The following CPQ variants were observed in gnomAD, a reference collection of about 807,000 sequenced individuals.
CPQ encodes the protein carboxypeptidase Q.
Under a neutral mutation model 45.7 loss-of-function variants are expected in CPQ, and 37 were observed. That is an observed-to-expected ratio of 0.81 (90% CI 0.62 to 1.07). The LOEUF is 1.07. Among genes scored for constraint, CPQ ranks in the 50% least tolerant of loss-of-function variants. The pLI is 0.00. For missense variants in CPQ, 537 were observed against 572.9 expected (o/e 0.94, Z 0.64); for synonymous variants, 186 against 205.8 (o/e 0.90, Z 0.82).
chr8:96,976,978 C>G (rs1270944955), intron 5 of CPQ, among the ~76,000 whole-genome samples: 5 of 152,004 alleles, frequency 3.3e-5, no homozygotes, highest in Non-Finnish European at 7.4e-5. Flanking sequence ...GCAAATGCAA[C>G]AAAAACAAAG....
At chr8:97,069,158 G>C (rs1214750341) in intron 7 of CPQ, among the ~76,000 whole-genome samples, 3 of 152,174 alleles carry the variant, frequency 2.0e-5, no homozygotes, top group Non-Finnish European at 4.4e-5. Flanking sequence ...AGCTCATTTA[G>C]ATGACTCTAA....
chr8:96,738,317 A>G (rs1810022190), intron 1 of CPQ, among the ~76,000 whole-genome samples: 1 of 151,878 alleles, frequency 6.6e-6, no homozygotes, highest in Admixed American at 6.6e-5. Context: ...AAAATCTTCC[A>G]TTTATGTGGA....
At chr8:96,944,312 A>G (rs1813161754) in intron 4 of CPQ, among the ~76,000 whole-genome samples, 1 of 152,070 alleles carries the variant, frequency 6.6e-6, no homozygotes, top group Non-Finnish European at 1.5e-5. Flanking sequence ...GCCTCCCTCC[A>G]AAGTCCCCTC....
intron 4 of CPQ, among the ~76,000 whole-genome samples, chr8:96,926,641 C>G (rs1812893471): frequency 6.6e-6 from 1 of 150,640 alleles, no homozygotes; most frequent in Non-Finnish European, 1.5e-5. Context: ...TCTCCTTCTT[C>G]TTCTTCTCCT....
chr8:96,785,115 C>G lies in CPQ; in HGVS notation c.218C>G (p.Thr73Ser). 6.2e-7 allele frequency: 1 copy of G among 1,613,734 alleles called. No homozygotes were observed. The highest frequency in any genetic ancestry group is 8.5e-7 in the Non-Finnish European group (1 of 1,179,820). ...GAGCGATTGGCACTTCTGGTTGATACTGTTGGACCCAGACTGAGTGGCTCC... is the reference window on the plus strand; with the variant it reads ...GAGCGATTGGCACTTCTGGTTGATAGTGTTGGACCCAGACTGAGTGGCTCC... Reference protein sequence around the residue: ...SYERLALLVDTVGPRLSGSKN... With the variant: ...SYERLALLVDSVGPRLSGSKN... Residue 73 changes from threonine to serine, a missense_variant, in exon 2 of 8, where the codon ACT becomes AGT. Physicochemically the swap from Thr to Ser is moderately conservative, Grantham distance 58. Transcript: ENST00000220763.
At chr8:97,104,608 A>G (rs1209539208) in intron 7 of CPQ, among the ~76,000 whole-genome samples, 1 of 152,196 alleles carries the variant, frequency 6.6e-6, no homozygotes, top group Non-Finnish European at 1.5e-5. Flanking sequence ...CACAATTTAT[A>G]TGACCTGTTT....
At chr8:96,678,758 C>CT (rs71267274) in intron 1 of CPQ, among the ~76,000 whole-genome samples, 33,347 of 114,566 alleles carry the variant, frequency 0.29, 5,646 homozygotes, top group East Asian at 0.62. Flanking sequence ...ATTATTTGGG[C>CT]TTTTTTTTTT....
At chr8:96,820,981 G>A (rs1395867138) in intron 2 of CPQ, among the ~76,000 whole-genome samples, 1 of 151,960 alleles carries the variant, frequency 6.6e-6, no homozygotes, top group Non-Finnish European at 1.5e-5. Context: ...GTTATTGTGT[G>A]TGGTGAGATG....
At chr8:97,048,590 C>G (rs1427664813) in intron 6 of CPQ, among the ~76,000 whole-genome samples, 1 of 152,194 alleles carries the variant, frequency 6.6e-6, no homozygotes, top group Non-Finnish European at 1.5e-5. Context: ...TTAATACTTT[C>G]TTTCCCAAAC....
chr8:96,808,297 G>A (rs530249661), intron 2 of CPQ, among the ~76,000 whole-genome samples: 1 of 152,060 alleles, frequency 6.6e-6, no homozygotes, highest in Non-Finnish European at 1.5e-5. Context: ...AAATAGTGAC[G>A]TGAAGCTTGG....
chr8:97,100,387 C>A (rs1160223793), intron 7 of CPQ, among the ~76,000 whole-genome samples: 4 of 152,016 alleles, frequency 2.6e-5, no homozygotes, highest in Admixed American at 2.0e-4. Flanking sequence ...GAGAGAGGAG[C>A]GGGCAAACCA....
intron 4 of CPQ, among the ~76,000 whole-genome samples, chr8:96,931,509 T>C (rs1178749434): frequency 6.6e-6 from 1 of 152,172 alleles, no homozygotes; most frequent in Non-Finnish European, 1.5e-5. Flanking sequence ...CTCCTGGGCC[T>C]GATACACTCC....
intron 5 of CPQ, among the ~76,000 whole-genome samples, chr8:97,019,564 C>A (rs1487627563): frequency 6.6e-6 from 1 of 152,076 alleles, no homozygotes; most frequent in Admixed American, 6.5e-5. Context: ...TGAAAGTGAG[C>A]AGGAGTAGCT....
intron 1 of CPQ, among the ~76,000 whole-genome samples, chr8:96,763,252 G>T (rs1479679946): frequency 6.6e-6 from 1 of 152,076 alleles, no homozygotes; most frequent in African/African-American, 2.4e-5. Context: ...ATATGAATTT[G>T]GGGGGTACAT....
intron 1 of CPQ, among the ~76,000 whole-genome samples, chr8:96,666,351 G>T (rs752915591): frequency 6.6e-6 from 1 of 152,070 alleles, no homozygotes; most frequent in Admixed American, 6.6e-5. Flanking sequence ...AGTCCCTCCT[G>T]GTCCATTGAG....
At chr8:96,955,904 C>A (rs1422752334) in intron 4 of CPQ, among the ~76,000 whole-genome samples, 1 of 152,048 alleles carries the variant, frequency 6.6e-6, no homozygotes. Flanking sequence ...AATGTTAGAC[C>A]CAAAACCATA....
intron 6 of CPQ, among the ~76,000 whole-genome samples, chr8:97,039,695 C>T (rs1011866564): frequency 1.3e-5 from 2 of 151,570 alleles, no homozygotes; most frequent in African/African-American, 4.9e-5. Flanking sequence ...CATGTGTTCT[C>T]ATTGTTCAAT....
At chr8:96,987,225 T>C (rs1271797618) in intron 5 of CPQ, among the ~76,000 whole-genome samples, 1 of 152,174 alleles carries the variant, frequency 6.6e-6, no homozygotes, top group Non-Finnish European at 1.5e-5. Flanking sequence ...TCTTGAAGCA[T>C]GATTTTTAAT....
intron 1 of CPQ, among the ~76,000 whole-genome samples, chr8:96,759,971 G>T (rs1426149434): frequency 6.6e-6 from 1 of 152,138 alleles, no homozygotes; most frequent in Non-Finnish European, 1.5e-5. Context: ...ACGTAACTTG[G>T]TCCAAGTCAC....
Sources: allele counts gnomAD v4.1 joint callset (sites outside exome capture counted in the v4.1 genomes callset), GRCh38; gene constraint gnomAD v4.1.1; transcripts MANE v1.5; gene names NCBI Gene and HGNC (gene_info 2026-07-23, HGNC 2026-07-21).